TENM3: variants seen among roughly 807,000 people sequenced by gnomAD.
The protein encoded by TENM3 is teneurin transmembrane protein 3, also known as teneurin-3.
In TENM3, 63 loss-of-function variants were observed where a neutral mutation model predicts 255.1. The observed-to-expected ratio is 0.25, with a 90% CI of 0.20 to 0.30. The LOEUF is 0.30. TENM3 is among the 10% of genes least tolerant of loss of function. The pLI is 1.00. For missense variants in TENM3, 2,929 were observed against 3,461.1 expected, an observed-to-expected ratio of 0.85 and a Z score of 3.86; for synonymous variants, 1,306 against 1,322.3, an observed-to-expected ratio of 0.99 and a Z score of 0.27.
the TENM3 span, among the ~76,000 whole-genome samples, chr4:181,513,749 G>T: frequency 6.6e-6 from 1 of 152,102 alleles, no homozygotes; most frequent in Admixed American, 6.6e-5. Context: ...TTAACAGTAG[G>T]TCCTCCCTGC....
At chr4:182,057,664 A>G in the TENM3 span, among the ~76,000 whole-genome samples, 72 of 151,888 alleles carry the variant, frequency 4.7e-4, no homozygotes, top group Non-Finnish European at 9.0e-4. Context: ...GCCTCCCAAG[A>G]TGCTGGAATT....
chr4:182,057,051 A>G, the TENM3 span, among the ~76,000 whole-genome samples: 1 of 151,388 alleles, frequency 6.6e-6, no homozygotes, highest in Non-Finnish European at 1.5e-5. Context: ...CCCCAGTGAT[A>G]GCCATCGTTG....
At chr4:181,564,046 T>C in the TENM3 span, among the ~76,000 whole-genome samples, 4 of 146,052 alleles carry the variant, frequency 2.7e-5, no homozygotes, top group African/African-American at 7.6e-5. Context: ...TTTTCTTTTT[T>C]TTTTTTTTTT....
rs1217243803 is a variant in TENM3, at chr4:182,621,665, G to A, written c.750-6986G>A. 6.6e-4 allele frequency among the ~76,000 whole-genome samples: 20 copies of A among 30,368 alleles called. 1 individual carries two copies. The South Asian group carries it at 7.1e-3, about 11-fold the overall frequency. 19.9% of individuals were successfully genotyped at this position (30,368 alleles called of 152,430 possible). Reference sequence around the variant, plus strand: ...TAATACATATTATAATATATAATATGTATTATATATATAAAATATATAATA... The same window carrying A: ...TAATACATATTATAATATATAATATATATTATATATATAAAATATATAATA... On this transcript the variant is annotated intron_variant, in intron 4 of 27. Transcript: ENST00000511685.
chr4:181,498,917 A>G, the TENM3 span, among the ~76,000 whole-genome samples: 1 of 152,370 alleles, frequency 6.6e-6, no homozygotes, highest in South Asian at 2.1e-4. Context: ...TGTGATCCAC[A>G]GTAAGCAATA....
At chr4:181,938,450 A>G in the TENM3 span, among the ~76,000 whole-genome samples, 1 of 152,328 alleles carries the variant, frequency 6.6e-6, no homozygotes, top group East Asian at 1.9e-4. Flanking sequence ...GAGATAATAC[A>G]CAACAAGCAT....
chr4:181,667,329 AC>A, the TENM3 span, among the ~76,000 whole-genome samples: 1 of 152,040 alleles, frequency 6.6e-6, no homozygotes. Flanking sequence ...TCCAAAACAG[AC>A]CTTTCTTCAT....
the TENM3 span, among the ~76,000 whole-genome samples, chr4:181,538,775 G>C: frequency 1.3e-5 from 2 of 152,268 alleles, no homozygotes; most frequent in African/African-American, 4.8e-5. Flanking sequence ...CCTTTTCAGA[G>C]AGTAGAATTC....
At chr4:181,508,257 T>C in the TENM3 span, among the ~76,000 whole-genome samples, 3 of 152,224 alleles carry the variant, frequency 2.0e-5, no homozygotes, top group Non-Finnish European at 2.9e-5. Context: ...TGCATTCGGC[T>C]GTTTTACAGC....
intron 3 of TENM3, among the ~76,000 whole-genome samples, chr4:182,575,259 C>G (rs538103339): frequency 6.6e-6 from 1 of 152,264 alleles, no homozygotes; most frequent in South Asian, 2.1e-4. Flanking sequence ...TGGATTACTT[C>G]TTGAAACTTC....
the TENM3 span, among the ~76,000 whole-genome samples, chr4:181,759,986 T>C: frequency 6.6e-6 from 1 of 152,090 alleles, no homozygotes; most frequent in Non-Finnish European, 1.5e-5. Context: ...TAGGTCTGGC[T>C]CTAGGGCCTA....
intron 24 of TENM3, among the ~76,000 whole-genome samples, chr4:182,783,849 G>A (rs1017021556): frequency 1.3e-4 from 20 of 151,502 alleles, no homozygotes; most frequent in Non-Finnish European, 2.7e-4. Context: ...TGATCGCATC[G>A]GCTCCTGAGG....
At chr4:182,161,690 A>T (rs1405035709) in intron 1 of TENM3, among the ~76,000 whole-genome samples, 78 of 103,592 alleles carry the variant, frequency 7.5e-4, no homozygotes, top group Middle Eastern at 0.01. Context: ...TATATACACA[A>T]ATATATATGT....
At chr4:181,539,534 C>T in the TENM3 span, among the ~76,000 whole-genome samples, 1 of 152,122 alleles carries the variant, frequency 6.6e-6, no homozygotes, top group Non-Finnish European at 1.5e-5. Context: ...TACGTTTATT[C>T]CTCTAAAAAT....
the TENM3 span, among the ~76,000 whole-genome samples, chr4:181,656,744 A>AGGAAGAAGACGTAAT: frequency 2.4e-3 from 353 of 149,966 alleles, 2 homozygotes; most frequent in African/African-American, 8.0e-3. Context: ...AGGGAGGAAG[A>AGGAAGAAGACGTAAT]AGACGTAATA....
chr4:182,787,107 C>G (rs1579510765), intron 24 of TENM3, among the ~76,000 whole-genome samples: 2 of 151,994 alleles, frequency 1.3e-5, no homozygotes, highest in Middle Eastern at 3.4e-3. Context: ...CTACAAAGCT[C>G]AACTCATAAA....
chr4:181,848,269 A>C, the TENM3 span, among the ~76,000 whole-genome samples: 2 of 152,188 alleles, frequency 1.3e-5, no homozygotes, highest in Non-Finnish European at 2.9e-5. Flanking sequence ...TTAAGCTAGA[A>C]GCTTTATAGG....
chr4:182,636,631 C>T (rs1274815766), intron 5 of TENM3, among the ~76,000 whole-genome samples: 1 of 151,664 alleles, frequency 6.6e-6, no homozygotes, highest in African/African-American at 2.4e-5. Context: ...GCAGGAGAAT[C>T]ACTTGAACCC....
At chr4:182,394,655 CT>C (rs1163727635) in intron 3 of TENM3, among the ~76,000 whole-genome samples, 9 of 152,252 alleles carry the variant, frequency 5.9e-5, no homozygotes, top group Admixed American at 2.0e-4. Flanking sequence ...TTATGCCATC[CT>C]TTCCACAGTT....
Sources: gnomAD v4.1 joint callset for allele counts (sites outside exome capture counted in the v4.1 genomes callset) on GRCh38, gnomAD v4.1.1 for gene constraint, MANE v1.5 for transcripts, NCBI Gene and HGNC (gene_info 2026-07-23, HGNC 2026-07-21) for gene names.